The following TSNARE1 variants were observed in gnomAD, a reference collection of about 807,000 sequenced individuals.
The protein encoded by TSNARE1 is t-SNARE domain containing 1, also known as t-SNARE domain-containing protein 1.
TSNARE1 carries 49 observed loss-of-function variants against 62.0 expected under a neutral mutation model. The ratio of observed to expected loss-of-function variants is 0.79; its 90% CI spans 0.63 to 1.00. The LOEUF (loss-of-function observed/expected upper bound fraction) is 1.00, where lower values mean the gene tolerates loss of function less well. Among genes scored for constraint, TSNARE1 ranks in the 50% least tolerant of loss-of-function variants. TSNARE1 has a pLI of 0.00. For synonymous variants in TSNARE1, 328 were observed against 294.4 expected, an observed-to-expected ratio of 1.11 and a Z score of -1.17; for missense variants, 755 against 700.1, an observed-to-expected ratio of 1.08 and a Z score of -0.88.
At chr8:142,290,753 C>T (rs1029851085) in intron 10 of TSNARE1, among the ~76,000 whole-genome samples, 1 of 152,270 alleles carries the variant, frequency 6.6e-6, no homozygotes, top group East Asian at 1.9e-4. Flanking sequence ...GTCTGCTGGG[C>T]TCTGCCTGGG....
chr8:142,259,403 C>T (rs1818745604), intron 12 of TSNARE1, among the ~76,000 whole-genome samples: 1 of 152,162 alleles, frequency 6.6e-6, no homozygotes, highest in Admixed American at 6.5e-5. Context: ...CCTGAGAGGG[C>T]CGAGTTCAGA....
At chr8:142,372,352 G>A (rs747673219) in intron 1 of TSNARE1, among the ~76,000 whole-genome samples, 2 of 152,256 alleles carry the variant, frequency 1.3e-5, no homozygotes, top group Non-Finnish European at 2.9e-5. Context: ...GAGAAAACCA[G>A]CGAAGGATGA....
chr8:142,231,476 C>T (rs542236397), intron 12 of TSNARE1, among the ~76,000 whole-genome samples: 2 of 152,286 alleles, frequency 1.3e-5, no homozygotes, highest in South Asian at 4.2e-4. Context: ...CCTCAGCTTA[C>T]TGGTTGGCGG....
upstream of TSNARE1, chr8:142,403,191 CT>C (rs1483724635): frequency 1.3e-5 from 2 of 149,816 alleles, no homozygotes; most frequent in African/African-American, 4.9e-5. Context: ...GTGACGGCCC[CT>C]CCCGCCGCCG....
intron 12 of TSNARE1, among the ~76,000 whole-genome samples, chr8:142,248,069 C>T (rs1384394288): frequency 6.6e-6 from 1 of 152,128 alleles, no homozygotes; most frequent in African/African-American, 2.4e-5. Context: ...GGTGATGAGG[C>T]CTGGCGGCTG....
chr8:142,304,471 C>T (rs1826329052), intron 9 of TSNARE1, among the ~76,000 whole-genome samples: 1 of 152,242 alleles, frequency 6.6e-6, no homozygotes, highest in Non-Finnish European at 1.5e-5. Flanking sequence ...GCCCCTCAAG[C>T]TCCACCCACA....
At chr8:142,276,432 G>T in intron 11 of TSNARE1, 1 of 985,454 alleles carries the variant, frequency 1.0e-6, no homozygotes, top group Non-Finnish European at 1.2e-6. Flanking sequence ...CCTGGGCCCG[G>T]GCAATGCCCC....
intron 1 of TSNARE1, among the ~76,000 whole-genome samples, chr8:142,363,496 C>A (rs1284784050): frequency 1.3e-5 from 2 of 152,150 alleles, no homozygotes; most frequent in Non-Finnish European, 2.9e-5. Flanking sequence ...CCTAGGCCAC[C>A]CGGGGCTTCT....
At position 142,291,333 on chromosome 8, in the gene TSNARE1, G is replaced by T. The variant is rs1417953802; in HGVS notation, c.1291-6848C>A. On this transcript the variant is annotated intron_variant, in intron 10 of 13. Transcript: ENST00000524325. The surrounding 1 kb of genome is among the most constrained non-coding windows in gnomAD (Gnocchi z 4.8). ...ATGGCGTGTGAGCTGTGTGACCCTG[G>T]GCAAGCGATGGGCCTGCTCCAAGCC... Among the ~76,000 whole-genome samples, 1 of 152,100 alleles carries T rather than the reference G, an allele frequency of 6.6e-6. No individual in the cohort carries two copies. The highest frequency in any genetic ancestry group is 1.5e-5 in the Non-Finnish European group (1 of 68,036).
chr8:142,239,943 A>C (rs1301686373), intron 12 of TSNARE1, among the ~76,000 whole-genome samples: 3 of 152,244 alleles, frequency 2.0e-5, no homozygotes, highest in African/African-American at 7.2e-5. Context: ...TCTAGCAATA[A>C]AAAATAAAGA....
intron 12 of TSNARE1, among the ~76,000 whole-genome samples, chr8:142,262,795 G>C (rs116984456): frequency 9.2e-5 from 14 of 152,204 alleles, no homozygotes; most frequent in African/African-American, 3.4e-4. Context: ...TATGCTTCCC[G>C]TACAGCCTGC....
At position 142,274,636 on chromosome 8, in the gene TSNARE1, C is replaced by A. The variant is rs574036364; in HGVS notation, c.1446+145G>T. 14 of 1,340,204 alleles carry A rather than the reference C, an allele frequency of 1.0e-5. No individual in the cohort carries two copies. The East Asian group carries it at 4.0e-4, about 39-fold the overall frequency. The allele number at this position is 1,340,204 out of a possible 1,614,324, so 83.0% of individuals were successfully genotyped here. ...TCCCAGAGCCCTAGGGCACGGGCAG[C>A]AGACTGGTTCAGAGGAGGCCTGTGG... On this transcript the variant is annotated intron_variant, in intron 12 of 13. Coordinates refer to ENST00000524325, the MANE Select transcript of TSNARE1 (RefSeq NM_145003.5).
chr8:142,344,336 CT>C lies in TSNARE1; in HGVS notation c.374del (p.Lys125SerfsTer16), dbSNP rs1271934013. On this transcript the variant is annotated frameshift_variant, in exon 4 of 14. Transcript: ENST00000524325. LOFTEE classifies it high-confidence loss of function. ...GPSTTRAKKR[K>X]PNFCPQETEV... is the part of the protein sequence containing the mutation. ...CGGTCTCCTGCGGGCAGAAGTTGGG[CT>C]TCCTCTTCTTGGCCCGGGTAGTGCT... is the stretch of plus-strand genomic sequence containing the variant. 2 of 1,582,126 alleles carry C rather than the reference CT, an allele frequency of 1.3e-6. No individual in the cohort carries two copies. Among genetic ancestry groups the C allele is most frequent in the African/African-American group, 2.7e-5 (2 of 73,782 alleles).
intron 12 of TSNARE1, among the ~76,000 whole-genome samples, chr8:142,235,541 A>G (rs567421163): frequency 6.6e-6 from 1 of 152,228 alleles, no homozygotes; most frequent in South Asian, 2.1e-4. Flanking sequence ...TCCATTTCAA[A>G]AGAATTATTC....
rs113460586 is a variant in TSNARE1 at position 142,355,283 on chromosome 8, C to G, written c.-39-520G>C. Among the ~76,000 whole-genome samples, 553 of 152,350 alleles carry G rather than the reference C, an allele frequency of 3.6e-3. 5 individuals are homozygous for G. The highest frequency in any genetic ancestry group is 0.013 in the African/African-American group (538 of 41,576). Reference sequence around the variant, plus strand: ...AGGCCCGGGGTTGGCTCTGCCCTGGCTGAATGAAACCTGTGCAGCTGGCAA... The same window carrying G: ...AGGCCCGGGGTTGGCTCTGCCCTGGGTGAATGAAACCTGTGCAGCTGGCAA... On this transcript the variant is annotated intron_variant, in intron 1 of 13. Coordinates refer to ENST00000524325, the MANE Select transcript of TSNARE1 (RefSeq NM_145003.5).
intron 13 of TSNARE1, among the ~76,000 whole-genome samples, chr8:142,215,495 T>A (rs549702800): frequency 6.6e-6 from 1 of 152,042 alleles, no homozygotes; most frequent in South Asian, 2.1e-4. Context: ...CTGGGTCTCA[T>A]CCATTGCCCT....
At chr8:142,266,589 G>A (rs377484451) in intron 12 of TSNARE1, among the ~76,000 whole-genome samples, 53 of 152,212 alleles carry the variant, frequency 3.5e-4, no homozygotes, top group African/African-American at 8.9e-4. Flanking sequence ...GTGAAATGTC[G>A]GCAAATTTGT....
chr8:142,344,050 G>C lies in TSNARE1; in HGVS notation c.661C>G (p.Leu221Val). The part of the protein sequence containing the change: ...PGSGKPQALA[L>V]TPVEQVVAKT... ...GCCACCACCTGCTCCACGGGCGTGA[G>C]AGCCAGGGCCTGGGGCTTGCCGGAA... The change falls in exon 4 of 14, where the codon CTC becomes GTC. Residue 221 changes from leucine to valine, a missense_variant. Coordinates refer to ENST00000524325, the MANE Select transcript of TSNARE1 (RefSeq NM_145003.5). The C allele has an allele frequency of 6.3e-7, 1 of 1,594,690 alleles. No homozygotes were observed. Among genetic ancestry groups the C allele is most frequent in the Non-Finnish European group, 8.6e-7 (1 of 1,168,346 alleles).
At chr8:142,279,291 G>A (rs1821007909) in intron 11 of TSNARE1, among the ~76,000 whole-genome samples, 1 of 152,238 alleles carries the variant, frequency 6.6e-6, no homozygotes, top group Non-Finnish European at 1.5e-5. Flanking sequence ...GGCCAGGCCG[G>A]GACCCGGGGC....
Sources: gnomAD v4.1 joint callset for allele counts (sites outside exome capture counted in the v4.1 genomes callset) on GRCh38, gnomAD v4.1.1 for gene constraint, Gnocchi (gnomAD v3.1) non-coding constraint, MANE v1.5 for transcripts, NCBI Gene and HGNC (gene_info 2026-07-23, HGNC 2026-07-21) for gene names.